RNF150: variants seen among roughly 807,000 people sequenced by gnomAD.
RNF150 encodes the protein ring finger protein 150.
Under a neutral mutation model 39.3 loss-of-function variants are expected in RNF150, and 24 were observed. That is an observed-to-expected ratio of 0.61 (90% confidence interval 0.44 to 0.86). RNF150 has a LOEUF of 0.86. RNF150 is among the 40% of genes least tolerant of loss of function. The pLI is 0.00. For synonymous variants in RNF150, 255 were observed against 227.3 expected, an observed-to-expected ratio of 1.12 and a Z score of -1.10; for missense variants, 502 against 587.8, an observed-to-expected ratio of 0.85 and a Z score of 1.51.
chr4:140,891,555 C>A (rs1326406670), intron 6 of RNF150, among the ~76,000 whole-genome samples: 1 of 152,150 alleles, frequency 6.6e-6, no homozygotes, highest in African/African-American at 2.4e-5. Context: ...CCATTCCTCC[C>A]CCTCCTTTAG....
chr4:141,085,217 T>C (rs1043176272), intron 1 of RNF150, among the ~76,000 whole-genome samples: 22 of 152,186 alleles, frequency 1.4e-4, no homozygotes, highest in Admixed American at 3.9e-4. Flanking sequence ...CTGCCCTTTA[T>C]AAAGCCATGA....
intron 4 of RNF150, among the ~76,000 whole-genome samples, chr4:140,945,258 C>T (rs555067073): frequency 6.6e-6 from 1 of 151,930 alleles, no homozygotes; most frequent in African/African-American, 2.4e-5. Context: ...CATTAAAATC[C>T]CTAAGGTTTT....
At chr4:140,980,926 A>G (rs572871932) in intron 1 of RNF150, among the ~76,000 whole-genome samples, 38 of 152,210 alleles carry the variant, frequency 2.5e-4, no homozygotes, top group Non-Finnish European at 4.4e-4. Flanking sequence ...AATTTACTGT[A>G]TAATTACCAA....
chr4:141,012,314 G>T (rs1031565735), intron 1 of RNF150, among the ~76,000 whole-genome samples: 2 of 152,170 alleles, frequency 1.3e-5, no homozygotes, highest in Admixed American at 1.3e-4. Flanking sequence ...TAAGAAGCTG[G>T]CTGTGAAGTT....
At chr4:141,118,409 A>T (rs1003791183) in intron 1 of RNF150, among the ~76,000 whole-genome samples, 2 of 152,092 alleles carry the variant, frequency 1.3e-5, no homozygotes, top group Non-Finnish European at 2.9e-5. Context: ...GACCTACTAC[A>T]TGGTGTTGAG....
intron 1 of RNF150, among the ~76,000 whole-genome samples, chr4:141,185,826 TTA>T (rs1269600427): frequency 6.6e-6 from 1 of 152,212 alleles, no homozygotes; most frequent in Non-Finnish European, 1.5e-5. Flanking sequence ...ACGTGATGAA[TTA>T]TGTTTATTGA....
chr4:140,968,701 A>T (rs1031222701), intron 1 of RNF150, among the ~76,000 whole-genome samples: 8 of 151,140 alleles, frequency 5.3e-5, no homozygotes, highest in Non-Finnish European at 1.2e-4. Flanking sequence ...CAAAAGTACC[A>T]TTTTTTCTTG....
chr4:141,092,385 T>A (rs1473200203), intron 1 of RNF150, among the ~76,000 whole-genome samples: 2 of 152,120 alleles, frequency 1.3e-5, no homozygotes, highest in South Asian at 4.2e-4. Flanking sequence ...ATGTTTTATT[T>A]TGTTGGCATC....
At chr4:141,098,661 C>T (rs185608393) in intron 1 of RNF150, among the ~76,000 whole-genome samples, 38 of 152,324 alleles carry the variant, frequency 2.5e-4, no homozygotes, top group Non-Finnish European at 3.5e-4. Flanking sequence ...AATCTCAACT[C>T]TACACACTTG....
rs371346753 is a variant in RNF150 at position 140,947,677 on chromosome 4, G to A, written c.867C>T (p.Asp289=). 6 of 1,610,818 alleles carry A rather than the reference G, an allele frequency of 3.7e-6. No homozygotes were observed. The highest frequency in any genetic ancestry group is 1.7e-4 in the Middle Eastern group (1 of 6,056). The change falls in exon 4 of 7, where the codon GAC becomes GAT. Residue 289 remains aspartate, a synonymous_variant. Coordinates refer to ENST00000515673, the MANE Select transcript of RNF150 (RefSeq NM_020724.2). The part of the protein sequence containing the change: ...AVCIEGYKPN[D]VVRILPCRHL... The stretch of plus-strand genomic sequence containing the variant: ...ACCGGCAGGGCAGGATCCGGACAAC[G>A]TCATTGGGCTTGTACCCTTCAATAC...
At chr4:141,034,996 G>T (rs1478370034) in intron 1 of RNF150, among the ~76,000 whole-genome samples, 1 of 152,204 alleles carries the variant, frequency 6.6e-6, no homozygotes, top group Non-Finnish European at 1.5e-5. Context: ...TTGATGTAAG[G>T]TTGCCACAAA....
intron 2 of RNF150, among the ~76,000 whole-genome samples, chr4:140,961,305 T>C (rs1305090550): frequency 2.0e-5 from 3 of 152,142 alleles, no homozygotes; most frequent in Non-Finnish European, 2.9e-5. Flanking sequence ...GTGGCCATGA[T>C]TATGTAAGAT....
intron 1 of RNF150, among the ~76,000 whole-genome samples, chr4:141,075,571 A>G (rs1469876208): frequency 6.6e-6 from 1 of 152,144 alleles, no homozygotes; most frequent in East Asian, 1.9e-4. Context: ...TACTTAGAAA[A>G]TCTCTCTAGT....
intron 1 of RNF150, among the ~76,000 whole-genome samples, chr4:141,051,527 C>A (rs1321958227): frequency 6.6e-6 from 1 of 152,182 alleles, no homozygotes; most frequent in Non-Finnish European, 1.5e-5. Context: ...CTGCCAGATA[C>A]CCTAAATCAT....
intron 1 of RNF150, among the ~76,000 whole-genome samples, chr4:141,056,691 G>C (rs944126111): frequency 6.6e-6 from 1 of 151,822 alleles, no homozygotes; most frequent in Non-Finnish European, 1.5e-5. Context: ...TCTTTCCTCA[G>C]TAGCTGAAGA....
intron 1 of RNF150, among the ~76,000 whole-genome samples, chr4:140,972,968 A>C (rs1733521178): frequency 6.6e-6 from 1 of 152,180 alleles, no homozygotes; most frequent in African/African-American, 2.4e-5. Flanking sequence ...GAGACAAAGA[A>C]ATTGGATGCT....
At chr4:141,166,706 C>A (rs1361201254) in intron 1 of RNF150, among the ~76,000 whole-genome samples, 1 of 152,138 alleles carries the variant, frequency 6.6e-6, no homozygotes, top group Admixed American at 6.5e-5. Flanking sequence ...ATGATTATCT[C>A]AATAGATACA....
intron 6 of RNF150, among the ~76,000 whole-genome samples, chr4:140,868,594 T>C (rs1728810048): frequency 6.6e-6 from 1 of 152,180 alleles, no homozygotes; most frequent in Non-Finnish European, 1.5e-5. Flanking sequence ...AAATATATCA[T>C]CTAAGGATAT....
At chr4:140,975,789 A>C (rs1733640691) in intron 1 of RNF150, among the ~76,000 whole-genome samples, 1 of 152,146 alleles carries the variant, frequency 6.6e-6, no homozygotes, top group African/African-American at 2.4e-5. Context: ...ACAACCAATG[A>C]GGCTTCCCAT....
Sources: allele counts gnomAD v4.1 joint callset (sites outside exome capture counted in the v4.1 genomes callset), GRCh38; gene constraint gnomAD v4.1.1; transcripts MANE v1.5; gene names NCBI Gene and HGNC (gene_info 2026-07-23, HGNC 2026-07-21).